Variants in NUAK1 observed in about 807,000 individuals in gnomAD.
NUAK1 encodes NUAK family kinase 1.
A neutral mutation model predicts 56.9 loss-of-function variants in NUAK1; 26 were observed. The ratio of observed to expected loss-of-function variants is 0.46; its 90% confidence interval spans 0.33 to 0.63. NUAK1 has a LOEUF of 0.63. Among genes scored for constraint, NUAK1 ranks in the 30% least tolerant of loss-of-function variants. NUAK1 has a pLI of 0.02. For synonymous variants in NUAK1, 337 were observed against 336.0 expected (o/e 1.00, Z -0.03); for missense variants, 727 against 876.1 (o/e 0.83, Z 2.15).
chr12:106,134,183 C>G (rs1215610), intron 1 of NUAK1, among the ~76,000 whole-genome samples: 100,376 of 152,060 alleles, frequency 0.66, 33,851 homozygotes, highest in African/African-American at 0.79. Context: ...TCGAAGATGA[C>G]AAGTTTGAAC....
chr12:106,107,062 G>A (rs1004690073), intron 1 of NUAK1, among the ~76,000 whole-genome samples: 4 of 152,098 alleles, frequency 2.6e-5, no homozygotes, highest in East Asian at 1.9e-4. Flanking sequence ...GCTCAGAAGC[G>A]AATTCCTTCC....
intron 1 of NUAK1, among the ~76,000 whole-genome samples, chr12:106,118,417 A>T (rs571511180): frequency 6.6e-6 from 1 of 152,092 alleles, no homozygotes; most frequent in East Asian, 1.9e-4. Context: ...GGAAGAAAAC[A>T]CTCTTAGCCC....
At chr12:106,134,649 T>TTG (rs1162836925) in intron 1 of NUAK1, among the ~76,000 whole-genome samples, 2 of 152,202 alleles carry the variant, frequency 1.3e-5, no homozygotes, top group Admixed American at 6.5e-5. Context: ...TAAAATTGTG[T>TTG]GGCTTTGGTT....
chr12:106,072,226 T>C (rs1592848004), intron 5 of NUAK1, among the ~76,000 whole-genome samples: 1 of 152,176 alleles, frequency 6.6e-6, no homozygotes, highest in Non-Finnish European at 1.5e-5. Flanking sequence ...TTTGATATAA[T>C]AGGGAAAAAA....
chr12:106,133,484 T>C (rs1298232305), intron 1 of NUAK1, among the ~76,000 whole-genome samples: 1 of 151,918 alleles, frequency 6.6e-6, no homozygotes, highest in African/African-American at 2.4e-5. Flanking sequence ...CAGCATTGGG[T>C]TTCCAAACAA....
At chr12:106,098,011 C>T (rs1267063011) in intron 2 of NUAK1, among the ~76,000 whole-genome samples, 2 of 152,236 alleles carry the variant, frequency 1.3e-5, no homozygotes, top group African/African-American at 4.8e-5. Context: ...CTGCCCCTGG[C>T]CACGAGCTGG....
Position 106,122,543 on chromosome 12 carries a change from T to C in NUAK1, c.240+15871A>G, listed in dbSNP as rs146936224. 2.0e-5 allele frequency among the ~76,000 whole-genome samples: 3 copies of C among 152,188 alleles called. No homozygotes were observed. In the East Asian group the frequency reaches 5.8e-4, roughly 29 times the overall value. ...ATTGTTTGCCATTATTATTACTCCA[T>C]GATTGGATAACAAGAAAAGAAACCT... On this transcript the variant is annotated intron_variant, in intron 1 of 6. Transcript: ENST00000261402.
intron 2 of NUAK1, among the ~76,000 whole-genome samples, chr12:106,096,771 TGACAAACGATCA>T (rs2032700504): frequency 6.6e-6 from 1 of 152,220 alleles, no homozygotes; most frequent in Admixed American, 6.5e-5. Flanking sequence ...AATTCACTGA[TGACAAACGATCA>T]GACCAAGACA....
In NUAK1 at chr12:106,136,042, G is replaced by A. The variant is rs568957457; in HGVS notation, c.240+2372C>T. On this transcript the variant is annotated intron_variant, in intron 1 of 6. Transcript: ENST00000261402. ...TGTGCTCAGCAGGGGGAGGACGGGG[G>A]GCCAAGGAGGACTTTCCTTCCCCAA... Among the ~76,000 whole-genome samples the A allele has an allele frequency of 1.6e-4, 25 of 152,242 alleles. No individual in the cohort carries two copies. The South Asian group carries it at 4.0e-3, about 24-fold the overall frequency.
intron 1 of NUAK1, among the ~76,000 whole-genome samples, chr12:106,132,846 T>C (rs762494450): frequency 8.5e-5 from 13 of 152,092 alleles, no homozygotes; most frequent in Non-Finnish European, 1.6e-4. Flanking sequence ...CACCCCACTG[T>C]GATCAGAACC....
At chr12:106,097,630 T>C (rs2032708225) in intron 2 of NUAK1, among the ~76,000 whole-genome samples, 1 of 152,224 alleles carries the variant, frequency 6.6e-6, no homozygotes, top group African/African-American at 2.4e-5. Context: ...TATTTCCAAG[T>C]AACTGATGCT....
intron 2 of NUAK1, among the ~76,000 whole-genome samples, chr12:106,099,362 T>C (rs2032726463): frequency 6.6e-6 from 1 of 152,208 alleles, no homozygotes; most frequent in African/African-American, 2.4e-5. Context: ...TTTAACAGAT[T>C]TGAACCCCAA....
At chr12:106,109,769 G>A (rs1436476619) in intron 1 of NUAK1, among the ~76,000 whole-genome samples, 5 of 152,252 alleles carry the variant, frequency 3.3e-5, no homozygotes, top group African/African-American at 1.2e-4. Context: ...TCATCTAGTA[G>A]AGAAATAATA....
chr12:106,072,937 G>A, intron 4 of NUAK1, 94 bp from the exon 5 acceptor site: 1 of 1,438,658 alleles, frequency 7.0e-7, no homozygotes, highest in Non-Finnish European at 9.6e-7. Context: ...CAGAGTGGAT[G>A]AAGGGCACCT....
chr12:106,137,875 G>C (rs950172476), intron 1 of NUAK1, among the ~76,000 whole-genome samples: 1 of 152,242 alleles, frequency 6.6e-6, no homozygotes, highest in East Asian at 1.9e-4. Flanking sequence ...AAACAGGCAA[G>C]AGTCGCCCTC....
intron 3 of NUAK1, among the ~76,000 whole-genome samples, chr12:106,084,796 A>T (rs2032555531): frequency 6.6e-6 from 1 of 152,222 alleles, no homozygotes; most frequent in African/African-American, 2.4e-5. Flanking sequence ...AGTGGGCCCG[A>T]AAGAACTGGC....
chr12:106,089,278 G>A (rs2032609337), intron 2 of NUAK1, among the ~76,000 whole-genome samples: 1 of 152,200 alleles, frequency 6.6e-6, no homozygotes, highest in Non-Finnish European at 1.5e-5. Flanking sequence ...GTCTTTAAGG[G>A]AGCCAAAGCC....
intron 1 of NUAK1, among the ~76,000 whole-genome samples, chr12:106,135,246 G>C (rs1486973921): frequency 6.6e-6 from 1 of 152,200 alleles, no homozygotes; most frequent in Non-Finnish European, 1.5e-5. Context: ...CTTTCTGCAA[G>C]AGTGCCTCAT....
chr12:106,076,390 G>T (rs1212039971), intron 4 of NUAK1, among the ~76,000 whole-genome samples: 1 of 152,188 alleles, frequency 6.6e-6, no homozygotes, highest in Non-Finnish European at 1.5e-5. Flanking sequence ...CGACTGGGCT[G>T]AAGAATTTTG....
Sources: allele counts gnomAD v4.1 joint callset (sites outside exome capture counted in the v4.1 genomes callset), GRCh38; gene constraint gnomAD v4.1.1; transcripts MANE v1.5; gene names NCBI Gene and HGNC (gene_info 2026-07-23, HGNC 2026-07-21).